ZNF431: variants seen among roughly 807,000 people sequenced by gnomAD.
ZNF431 encodes the protein zinc finger protein 431.
Under a neutral mutation model 57.0 loss-of-function variants are expected in ZNF431, and 34 were observed. That is an observed-to-expected ratio of 0.60 (90% CI 0.45 to 0.79). The LOEUF (loss-of-function observed/expected upper bound fraction) is 0.79, where lower values mean the gene tolerates loss of function less well. ZNF431 is among the 30% of genes least tolerant of loss of function. The pLI, the probability that ZNF431 is intolerant of heterozygous loss-of-function variation, is 0.00. For missense variants in ZNF431, 607 were observed against 667.1 expected (o/e 0.91, Z 0.99); for synonymous variants, 207 against 220.3 (o/e 0.94, Z 0.54).
chr19:21,186,336 C>A lies in ZNF431; in HGVS notation c.*2302C>A, dbSNP rs778341632. On this transcript the variant is annotated 3_prime_UTR_variant, in exon 5 of 5. Coordinates refer to ENST00000311048, the MANE Select transcript of ZNF431 (RefSeq NM_133473.4). ...TATATATTTTTCTTTGAACATGTGG[C>A]CTGTCTGCCTGCAAACATATACAGA... is the stretch of plus-strand genomic sequence containing the variant. 1.3e-5 allele frequency: 2 copies of A among 152,156 alleles called. No homozygotes were observed. The highest frequency in any genetic ancestry group is 2.9e-5 in the Non-Finnish European group (2 of 68,032). 9.4% of individuals were successfully genotyped at this position (152,156 alleles called of 1,614,324 possible).
rs1275131484 is a variant in ZNF431 at position 21,185,039 on chromosome 19, A to C, written c.*1005A>C. On this transcript the variant is annotated 3_prime_UTR_variant, in exon 5 of 5. Coordinates refer to ENST00000311048, the MANE Select transcript of ZNF431 (RefSeq NM_133473.4). The stretch of plus-strand genomic sequence containing the variant: ...AATTTGGAAAAACAATTTTTCAAAA[A>C]CTACAGCTTAGAAATCAACAGTTAT... The C allele has an allele frequency of 1.3e-5, 2 of 152,204 alleles. No homozygotes were observed. The highest frequency in any genetic ancestry group is 2.9e-5 in the Non-Finnish European group (2 of 68,028). The allele number at this position is 152,204 out of a possible 1,614,324, so 9.4% of individuals were successfully genotyped here.
Position 21,195,712 on chromosome 19 carries a change from A to G in ZNF431, c.*11678A>G, listed in dbSNP as rs1971594191. ...TAGTTGATTGTCATTTGCATTATCT[A>G]TTAAAAACCTGTGGCAGCTCATGGT... On this transcript the variant is annotated 3_prime_UTR_variant, in exon 5 of 5. Transcript: ENST00000311048. 2 of 152,180 alleles carry G rather than the reference A, an allele frequency of 1.3e-5. No homozygotes were observed. Among genetic ancestry groups the G allele is most frequent in the Non-Finnish European group, 1.5e-5 (1 of 68,034 alleles). 9.4% of individuals were successfully genotyped at this position (152,180 alleles called of 1,614,324 possible).
In ZNF431 at chr19:21,191,037, A is replaced by AT. The variant is rs1163756252; in HGVS notation, c.*7009dup. On this transcript the variant is annotated 3_prime_UTR_variant, in exon 5 of 5. Transcript: ENST00000311048. ...CTCTTGTCACATGTATAATTTGCAA[A>AT]TTTTTTCTCCCATGTTCTAGTTGTC... 8 of 151,848 alleles carry AT rather than the reference A, an allele frequency of 5.3e-5. No individual in the cohort carries two copies. In the East Asian group the frequency reaches 1.4e-3, roughly 26 times the overall value. The allele number at this position is 151,848 out of a possible 1,614,324, so 9.4% of individuals were successfully genotyped here. A position where few individuals can be genotyped will look rare whatever the true frequency, so the allele number is the denominator to read the frequency against.
At chr19:21,179,394 C>G (rs1971148480) in intron 4 of ZNF431, among the ~76,000 whole-genome samples, 1 of 151,916 alleles carries the variant, frequency 6.6e-6, no homozygotes, top group African/African-American at 2.4e-5. Context: ...TATTTCTTGT[C>G]TTCTGCTAGC....
chr19:21,174,010 A>G lies in ZNF431; in HGVS notation c.319+6344A>G, dbSNP rs193282705. Among the ~76,000 whole-genome samples the G allele has an allele frequency of 1.8e-4, 27 of 150,240 alleles. No homozygotes were observed. The East Asian group carries it at 4.3e-3, about 24-fold the overall frequency. On this transcript the variant is annotated intron_variant, in intron 4 of 4. Transcript: ENST00000311048. ...ACCCAGGCTGGAGTGCAATGGTGCAATCTCGACGCACTGCAACCTCTGCCT... is the reference window on the plus strand; with the variant it reads ...ACCCAGGCTGGAGTGCAATGGTGCAGTCTCGACGCACTGCAACCTCTGCCT...
Position 21,187,455 on chromosome 19 carries a change from AG to A in ZNF431, c.*3422del, listed in dbSNP as rs367722753. The A allele has an allele frequency of 0.014, 194 of 14,152 alleles. 12 individuals are homozygous for A. Among genetic ancestry groups the A allele is most frequent in the Non-Finnish European group, 0.031 (116 of 3,690 alleles). The allele number at this position is 14,152 out of a possible 1,614,324, so 0.9% of individuals were successfully genotyped here. On this transcript the variant is annotated 3_prime_UTR_variant, in exon 5 of 5. Coordinates refer to ENST00000311048, the MANE Select transcript of ZNF431 (RefSeq NM_133473.4). ...ATATAAAAAAAAAAAAAAAAAAAAA[AG>A]AGCTGGGCGTGGTGGCTCACGCCTG...
At chr19:21,155,028 G>T (rs976356406) in intron 2 of ZNF431, among the ~76,000 whole-genome samples, 88 of 152,284 alleles carry the variant, frequency 5.8e-4, no homozygotes, top group African/African-American at 2.0e-3. Context: ...AGTTTAATTA[G>T]ATCCCATTTG....
intron 4 of ZNF431, among the ~76,000 whole-genome samples, chr19:21,173,589 C>T (rs1189410285): frequency 6.6e-6 from 1 of 152,118 alleles, no homozygotes; most frequent in African/African-American, 2.4e-5. Context: ...AGGCAATTGG[C>T]ACGATGGCTC....
Position 21,142,166 on chromosome 19 carries a change from C to T in ZNF431, c.-18C>T. On this transcript the variant is annotated 5_prime_UTR_variant, in exon 1 of 5. Coordinates refer to ENST00000311048, the MANE Select transcript of ZNF431 (RefSeq NM_133473.4). ...GAGACCCACAGCTAAGACACCGGGACCCCCTGAAAGCCTAGAAATGGTGAG... is the reference window on the plus strand; with the variant it reads ...GAGACCCACAGCTAAGACACCGGGATCCCCTGAAAGCCTAGAAATGGTGAG... The T allele has an allele frequency of 1.9e-6, 3 of 1,612,726 alleles. No homozygotes were observed. The highest frequency in any genetic ancestry group is 2.2e-5 in the East Asian group (1 of 44,850).
rs1237102191 is a variant in ZNF431 at position 21,186,330 on chromosome 19, A to G, written c.*2296A>G. The G allele has an allele frequency of 2.6e-5, 4 of 152,214 alleles. No homozygotes were observed. The highest frequency in any genetic ancestry group is 7.2e-5 in the African/African-American group (3 of 41,462). 9.4% of individuals were successfully genotyped at this position (152,214 alleles called of 1,614,324 possible). Reference sequence around the variant, plus strand: ...ATTTTCTATATATTTTTCTTTGAACATGTGGCCTGTCTGCCTGCAAACATA... The same window carrying G: ...ATTTTCTATATATTTTTCTTTGAACGTGTGGCCTGTCTGCCTGCAAACATA... On this transcript the variant is annotated 3_prime_UTR_variant, in exon 5 of 5. Coordinates refer to ENST00000311048, the MANE Select transcript of ZNF431 (RefSeq NM_133473.4).
At position 21,193,888 on chromosome 19, in the gene ZNF431, TAAG is replaced by T. The variant is rs112094679; in HGVS notation, c.*9856_*9858del. On this transcript the variant is annotated 3_prime_UTR_variant, in exon 5 of 5. Coordinates refer to ENST00000311048, the MANE Select transcript of ZNF431 (RefSeq NM_133473.4). ...AATGATGAAACATACCTCACAATAA[TAAG>T]AGCCATCTATGACAAATCCTCAGCT... The T allele has an allele frequency of 2.0e-4, 31 of 152,222 alleles. No individual in the cohort carries two copies. The highest frequency in any genetic ancestry group is 6.5e-4 in the African/African-American group (27 of 41,540). 9.4% of individuals were successfully genotyped at this position (152,222 alleles called of 1,614,324 possible). A position where few individuals can be genotyped will look rare whatever the true frequency, so the allele number is the denominator to read the frequency against.
At position 21,183,697 on chromosome 19, in the gene ZNF431, T is replaced by C. The variant is rs759856204; in HGVS notation, c.1394T>C (p.Phe465Ser). 2 of 1,613,838 alleles carry C rather than the reference T, an allele frequency of 1.2e-6. No homozygotes were observed. The highest frequency in any genetic ancestry group is 1.7e-6 in the Non-Finnish European group (2 of 1,180,014). Residue 465 changes from phenylalanine (F) to serine (S), a missense_variant, in exon 5 of 5, where the codon TTT becomes TCT. Physicochemically the swap from Phe to Ser is radical, Grantham distance 155. Coordinates refer to ENST00000311048, the MANE Select transcript of ZNF431 (RefSeq NM_133473.4). ...AAATGTGAAGAATGTGGCAAAGCTT[T>C]TAGCCAGTCATCAATCCTTACTACA... ...PYKCEECGKAFSQSSILTTHK... is the reference protein window; with the variant it reads ...PYKCEECGKASSQSSILTTHK...
intron 2 of ZNF431, among the ~76,000 whole-genome samples, chr19:21,161,390 T>G (rs964823384): frequency 2.0e-5 from 3 of 152,194 alleles, no homozygotes; most frequent in Middle Eastern, 3.2e-3. Context: ...GAGAATTTTA[T>G]TATTATTCGT....
rs972863561 is a variant in ZNF431, at chr19:21,189,227, G to T, written c.*5193G>T. 3 of 152,148 alleles carry T rather than the reference G, an allele frequency of 2.0e-5. No homozygotes were observed. Among genetic ancestry groups the T allele is most frequent in the Non-Finnish European group, 4.4e-5 (3 of 68,054 alleles). 9.4% of individuals were successfully genotyped at this position (152,148 alleles called of 1,614,324 possible). On this transcript the variant is annotated 3_prime_UTR_variant, in exon 5 of 5. Coordinates refer to ENST00000311048, the MANE Select transcript of ZNF431 (RefSeq NM_133473.4). ...TGGTCAGACATGATGGCTCATGCTT[G>T]TAATCCCAGCAATTTGGGAGGCCGA...
intron 1 of ZNF431, 123 bp from the exon 2 acceptor site, chr19:21,143,428 C>A: frequency 1.4e-6 from 1 of 740,514 alleles, no homozygotes; most frequent in East Asian, 2.6e-5. Context: ...TCCTCAGCCA[C>A]CTTTTAGTTT....
Position 21,183,822 on chromosome 19 carries a change from A to G in ZNF431, c.1519A>G (p.Thr507Ala). The G allele has an allele frequency of 6.2e-7, 1 of 1,614,024 alleles. No individual in the cohort carries two copies. ...TCTTACTAAACATAAGATAATTCAT[A>G]CAGGAGAGAAATCTTACAAATGTGA... is the stretch of plus-strand genomic sequence containing the variant. ...SNLTKHKIIH[T>A]GEKSYKCEEC... The change falls in exon 5 of 5, where the codon ACA (threonine) becomes GCA (alanine). Residue 507 changes from threonine (T) to alanine (A), a missense_variant. Thr to Ala is a moderately conservative substitution (Grantham distance 58). Coordinates refer to ENST00000311048, the MANE Select transcript of ZNF431 (RefSeq NM_133473.4).
chr19:21,169,235 T>C (rs956863786), intron 4 of ZNF431, among the ~76,000 whole-genome samples: 1 of 152,174 alleles, frequency 6.6e-6, no homozygotes, highest in African/African-American at 2.4e-5. Context: ...TTTAATGTAC[T>C]GTTTATGGTT....
rs566502296 is a variant in ZNF431 at position 21,189,888 on chromosome 19, G to A, written c.*5854G>A. On this transcript the variant is annotated 3_prime_UTR_variant, in exon 5 of 5. Coordinates refer to ENST00000311048, the MANE Select transcript of ZNF431 (RefSeq NM_133473.4). ...AGGCCAGGAGTGGTGGCTCACACCT[G>A]TAATCCCAGCTCTGGGAGGCCAAGG... 1.3e-5 allele frequency: 5 copies of A among 397,924 alleles called. No homozygotes were observed. Among genetic ancestry groups the A allele is most frequent in the African/African-American group, 2.1e-5 (1 of 48,658 alleles). 24.6% of individuals were successfully genotyped at this position (397,924 alleles called of 1,614,324 possible). A position where few individuals can be genotyped will look rare whatever the true frequency, so the allele number is the denominator to read the frequency against.
intron 4 of ZNF431, among the ~76,000 whole-genome samples, chr19:21,171,154 C>CGTAA (rs968681581): frequency 3.3e-5 from 5 of 150,980 alleles, no homozygotes; most frequent in African/African-American, 7.3e-5. Flanking sequence ...ATATTTTTTA[C>CGTAA]ATGCTTATTT....
Sources: gnomAD v4.1 joint callset for allele counts (sites outside exome capture counted in the v4.1 genomes callset) on GRCh38, gnomAD v4.1.1 for gene constraint, MANE v1.5 for transcripts, NCBI Gene and HGNC (gene_info 2026-07-23, HGNC 2026-07-21) for gene names.